The following HIF1AN variants were observed in gnomAD, a reference collection of about 807,000 sequenced individuals.
HIF1AN encodes the protein hypoxia-inducible factor 1-alpha inhibitor.
HIF1AN carries 21 observed loss-of-function variants against 47.7 expected under a neutral mutation model. That is an observed-to-expected ratio of 0.44 (90% confidence interval 0.31 to 0.63). The LOEUF (loss-of-function observed/expected upper bound fraction) is 0.63, where lower values mean the gene tolerates loss of function less well. Among genes scored for constraint, HIF1AN ranks in the 30% least tolerant of loss-of-function variants. HIF1AN has a pLI of 0.07. For missense variants in HIF1AN, 320 were observed against 432.7 expected (o/e 0.74, Z 2.31); for synonymous variants, 152 against 155.9 (o/e 0.98, Z 0.18).
rs1051059212 is a variant in HIF1AN at position 100,553,405 on chromosome 10, G to T, written c.*5268G>T. 5 of 152,146 alleles carry T rather than the reference G, an allele frequency of 3.3e-5. No individual in the cohort carries two copies. The highest frequency in any genetic ancestry group is 1.5e-5 in the Non-Finnish European group (1 of 68,034). 9.4% of individuals were successfully genotyped at this position (152,146 alleles called of 1,614,324 possible). A position where few individuals can be genotyped will look rare whatever the true frequency, so the allele number is the denominator to read the frequency against. Reference sequence around the variant, plus strand: ...TCTGCATCCCAGTGGTTGCTGAAAGGGAAACAGTATATTGCGTAGTCAGAT... The same window carrying T: ...TCTGCATCCCAGTGGTTGCTGAAAGTGAAACAGTATATTGCGTAGTCAGAT... On this transcript the variant is annotated 3_prime_UTR_variant, in exon 8 of 8. Coordinates refer to ENST00000299163, the MANE Select transcript of HIF1AN (RefSeq NM_017902.3).
rs1240318189 is a variant in HIF1AN at position 100,536,674 on chromosome 10, AGCTTAAT to A, written c.428+14_428+20del. On this transcript the variant is annotated intron_variant, in intron 2 of 7. Coordinates refer to ENST00000299163, the MANE Select transcript of HIF1AN (RefSeq NM_017902.3). ...GAGGGGAAGAGAGGTAAATTCCGAA[AGCTTAAT>A]TTTCTGTTGGATTTAGGACACTCAT... The A allele has an allele frequency of 6.2e-7, 1 of 1,613,352 alleles. No individual in the cohort carries two copies. The highest frequency in any genetic ancestry group is 2.2e-5 in the East Asian group (1 of 44,884).
intron 4 of HIF1AN, chr10:100,545,303 C>T (rs1224726195): frequency 7.9e-6 from 4 of 508,752 alleles, no homozygotes; most frequent in South Asian, 6.8e-5. Context: ...TATAACTAGC[C>T]CCACAGAGCT....
Position 100,551,719 on chromosome 10 carries a change from C to A in HIF1AN, c.*3582C>A, listed in dbSNP as rs1843162254. On this transcript the variant is annotated 3_prime_UTR_variant, in exon 8 of 8. Transcript: ENST00000299163. ...GCCCACCTGTGACAAGTACTTGTTA[C>A]ATTCCAGCACTGTAGGGCGTGAGGA... 6.6e-6 allele frequency: 1 copy of A among 152,252 alleles called. No individual in the cohort carries two copies. The highest frequency in any genetic ancestry group is 2.4e-5 in the African/African-American group (1 of 41,464). 9.4% of individuals were successfully genotyped at this position (152,252 alleles called of 1,614,324 possible).
At chr10:100,543,746 A>G (rs2133725884) in intron 3 of HIF1AN, among the ~76,000 whole-genome samples, 1 of 152,168 alleles carries the variant, frequency 6.6e-6, no homozygotes, top group South Asian at 2.1e-4. Context: ...TAATTGTTTT[A>G]TAGTTATAAT....
In HIF1AN at chr10:100,536,097, C is replaced by G. The variant is rs1225068081; in HGVS notation, c.139C>G (p.Gln47Glu). Residue 47 changes from glutamine (Q) to glutamate (E), a missense_variant, in exon 1 of 8, where the codon CAG becomes GAG. Physicochemically the swap from Gln to Glu is conservative, Grantham distance 29 (BLOSUM62 2). This residue lies in a region of HIF1AN where 159 missense variants were observed against 159.9 expected (regional missense o/e 0.99). Coordinates refer to ENST00000299163, the MANE Select transcript of HIF1AN (RefSeq NM_017902.3). ...FPTRPIPRLS[Q>E]SDPRAEELIE... Reference sequence around the variant, plus strand: ...GACTAGGCCCATTCCGCGTCTGAGTCAGAGCGACCCCCGGGCAGAGGAGCT... The same window carrying G: ...GACTAGGCCCATTCCGCGTCTGAGTGAGAGCGACCCCCGGGCAGAGGAGCT... The G allele has an allele frequency of 6.2e-7, 1 of 1,609,232 alleles. No homozygotes were observed. The highest frequency in any genetic ancestry group is 8.5e-7 in the Non-Finnish European group (1 of 1,177,970).
Position 100,555,401 on chromosome 10 carries a change from G to C in HIF1AN, c.*7264G>C, listed in dbSNP as rs1230080806. On this transcript the variant is annotated 3_prime_UTR_variant, in exon 8 of 8. Transcript: ENST00000299163. ...CCAGACCCTACTTGGAAGAAATGTTGAATCAAGCTACTCAGACTTCAGCCT... is the reference window on the plus strand; with the variant it reads ...CCAGACCCTACTTGGAAGAAATGTTCAATCAAGCTACTCAGACTTCAGCCT... 1 of 152,236 alleles carries C rather than the reference G, an allele frequency of 6.6e-6. No individual in the cohort carries two copies. Among genetic ancestry groups the C allele is most frequent in the Non-Finnish European group, 1.5e-5 (1 of 68,060 alleles). 9.4% of individuals were successfully genotyped at this position (152,236 alleles called of 1,614,324 possible).
chr10:100,553,937 T>C lies in HIF1AN; in HGVS notation c.*5800T>C, dbSNP rs181855883. The C allele has an allele frequency of 2.4e-4, 37 of 152,364 alleles. No homozygotes were observed. The highest frequency in any genetic ancestry group is 8.4e-4 in the African/African-American group (35 of 41,592). The allele number at this position is 152,364 out of a possible 1,614,324, so 9.4% of individuals were successfully genotyped here. A position where few individuals can be genotyped will look rare whatever the true frequency, so the allele number is the denominator to read the frequency against. ...GTGGTTATATTTATTATGTGATTTATTCAGAAACTTGGTTTCAGTGATCTC... is the reference window on the plus strand; with the variant it reads ...GTGGTTATATTTATTATGTGATTTACTCAGAAACTTGGTTTCAGTGATCTC... On this transcript the variant is annotated 3_prime_UTR_variant, in exon 8 of 8. Transcript: ENST00000299163.
chr10:100,546,443 A>ACCC, intron 5 of HIF1AN, 75 bp from the exon 6 acceptor site: 3 of 454,842 alleles, frequency 6.6e-6, no homozygotes, highest in South Asian at 2.3e-5. Context: ...CAACCCTGCC[A>ACCC]CCCCCCCGCA....
Position 100,538,468 on chromosome 10 carries a change from T to G in HIF1AN, c.428+1807T>G, listed in dbSNP as rs183464067. Among the ~76,000 whole-genome samples the G allele has an allele frequency of 3.9e-3, 600 of 152,260 alleles. 2 individuals carry two copies. The highest frequency in any genetic ancestry group is 0.013 in the African/African-American group (551 of 41,546). On this transcript the variant is annotated intron_variant, in intron 2 of 7. Coordinates refer to ENST00000299163, the MANE Select transcript of HIF1AN (RefSeq NM_017902.3). ...TTGGGTGAATATATAATTATTATCT[T>G]TGGGGAGCGTTGCATTGAGTCTTGA... is the stretch of plus-strand genomic sequence containing the variant.
Position 100,549,180 on chromosome 10 carries a change from C to G in HIF1AN, c.*1043C>G, listed in dbSNP as rs1843130435. 1 of 152,120 alleles carries G rather than the reference C, an allele frequency of 6.6e-6. No individual in the cohort carries two copies. Among genetic ancestry groups the G allele is most frequent in the African/African-American group, 2.4e-5 (1 of 41,374 alleles). The allele number at this position is 152,120 out of a possible 1,614,324, so 9.4% of individuals were successfully genotyped here. ...CCAGTGGGACAGTACAGTGTGAGCC[C>G]CCGGGAAGTACTGCCTGACCTATCC... On this transcript the variant is annotated 3_prime_UTR_variant, in exon 8 of 8. Transcript: ENST00000299163.
At chr10:100,537,087 G>C (rs1183129543) in intron 2 of HIF1AN, among the ~76,000 whole-genome samples, 1 of 152,144 alleles carries the variant, frequency 6.6e-6, no homozygotes, top group African/African-American at 2.4e-5. Flanking sequence ...CAGCACTTTG[G>C]GAGGCCGAGG....
chr10:100,536,209 G>A (rs1047487398), intron 1 of HIF1AN, 74 bp downstream of exon 1: 7 of 1,426,492 alleles, frequency 4.9e-6, no homozygotes, highest in Non-Finnish European at 6.7e-6. Flanking sequence ...AATGGTGAAA[G>A]AGATGGGAGA....
intron 3 of HIF1AN, among the ~76,000 whole-genome samples, chr10:100,544,111 G>A (rs1186890400): frequency 3.9e-5 from 6 of 152,332 alleles, no homozygotes; most frequent in South Asian, 4.1e-4. Flanking sequence ...AACAACACAC[G>A]TGGTCCTAGT....
chr10:100,545,307 C>T (rs917319205), intron 4 of HIF1AN: 3 of 506,914 alleles, frequency 5.9e-6, no homozygotes, highest in Non-Finnish European at 1.0e-5. Flanking sequence ...ACTAGCCCCA[C>T]AGAGCTAATT....
intron 3 of HIF1AN, among the ~76,000 whole-genome samples, chr10:100,544,136 T>C (rs1843072497): frequency 6.6e-6 from 1 of 152,236 alleles, no homozygotes; most frequent in Admixed American, 6.5e-5. Context: ...AAGGAGTAGA[T>C]GGAACATACA....
At chr10:100,544,428 G>A (rs1050059051) in intron 3 of HIF1AN, among the ~76,000 whole-genome samples, 1 of 152,166 alleles carries the variant, frequency 6.6e-6, no homozygotes, top group African/African-American at 2.4e-5. Context: ...AACAAGTATT[G>A]CATTCGTTAG....
Position 100,554,863 on chromosome 10 carries a change from A to G in HIF1AN, c.*6726A>G, listed in dbSNP as rs1318253769. ...AAGATTGTTCTAGGGGAGAAGGGCAATCAAAATTCAGAAAAATATGAGTGG... is the reference window on the plus strand; with the variant it reads ...AAGATTGTTCTAGGGGAGAAGGGCAGTCAAAATTCAGAAAAATATGAGTGG... On this transcript the variant is annotated 3_prime_UTR_variant, in exon 8 of 8. Coordinates refer to ENST00000299163, the MANE Select transcript of HIF1AN (RefSeq NM_017902.3). 1 of 151,992 alleles carries G rather than the reference A, an allele frequency of 6.6e-6. No homozygotes were observed. Among genetic ancestry groups the G allele is most frequent in the Non-Finnish European group, 1.5e-5 (1 of 68,010 alleles). 9.4% of individuals were successfully genotyped at this position (151,992 alleles called of 1,614,324 possible).
At position 100,546,634 on chromosome 10, in the gene HIF1AN, G is replaced by A. The variant is rs573856761; in HGVS notation, c.894+53G>A. The A allele has an allele frequency of 5.7e-5, 76 of 1,340,064 alleles. No homozygotes were observed. The African/African-American group carries it at 1.0e-3, about 18-fold the overall frequency. 83.0% of individuals were successfully genotyped at this position (1,340,064 alleles called of 1,614,324 possible). A position where few individuals can be genotyped will look rare whatever the true frequency, so the allele number is the denominator to read the frequency against. Reference sequence around the variant, plus strand: ...TTCCAGATGGAACTGGCTCTTGGGTGAGGTAGGTATAATAAATGATTTTGG... The same window carrying A: ...TTCCAGATGGAACTGGCTCTTGGGTAAGGTAGGTATAATAAATGATTTTGG... On this transcript the variant is annotated intron_variant, in intron 6 of 7. Transcript: ENST00000299163.
At chr10:100,547,523 C>T (rs1277627691) in intron 7 of HIF1AN, among the ~76,000 whole-genome samples, 1 of 152,224 alleles carries the variant, frequency 6.6e-6, no homozygotes, top group Non-Finnish European at 1.5e-5. Flanking sequence ...GAACAGGAAG[C>T]GAGCACTAAC....
Sources: gnomAD v4.1 joint callset for allele counts (sites outside exome capture counted in the v4.1 genomes callset) on GRCh38, gnomAD v4.1.1 for gene constraint, gnomAD v4.1.1 regional missense constraint, MANE v1.5 for transcripts, NCBI Gene and HGNC (gene_info 2026-07-23, HGNC 2026-07-21) for gene names.